RUNX3: variants seen among roughly 807,000 people sequenced by gnomAD.
RUNX3 encodes the protein runt-related transcription factor 3.
A neutral mutation model predicts 27.7 loss-of-function variants in RUNX3; 10 were observed. The observed-to-expected ratio is 0.36, with a 90% CI of 0.22 to 0.61. RUNX3 has a LOEUF of 0.61. Ranked by LOEUF, RUNX3 falls within the 20% of genes least tolerant of loss-of-function variation. RUNX3 has a pLI of 0.72. For missense variants in RUNX3, 469 were observed against 629.5 expected, an observed-to-expected ratio of 0.75 and a Z score of 2.73; for synonymous variants, 270 against 269.2, an observed-to-expected ratio of 1.00 and a Z score of -0.03.
intron 4 of RUNX3, among the ~76,000 whole-genome samples, chr1:24,905,604 C>T (rs1640648951): frequency 6.6e-6 from 1 of 152,216 alleles, no homozygotes; most frequent in African/African-American, 2.4e-5. Context: ...CTGTGCCTGC[C>T]GTGGGGCCAG....
chr1:24,953,325 C>T (rs1286761743), intron 2 of RUNX3, among the ~76,000 whole-genome samples: 5 of 128,930 alleles, frequency 3.9e-5, no homozygotes, highest in African/African-American at 8.8e-5. Flanking sequence ...GATTGCGCCA[C>T]TGCACGCCAG....
At chr1:24,959,694 C>G (rs955835862) in intron 2 of RUNX3, among the ~76,000 whole-genome samples, 1 of 152,200 alleles carries the variant, frequency 6.6e-6, no homozygotes, top group African/African-American at 2.4e-5. Context: ...GCAGCCTCCT[C>G]CCTGTCCGGT....
intron 1 of RUNX3, among the ~76,000 whole-genome samples, chr1:24,928,142 TAAC>T (rs1641135806): frequency 6.6e-6 from 1 of 152,150 alleles, no homozygotes; most frequent in Admixed American, 6.5e-5. Context: ...ACAACAATAA[TAAC>T]AACAGGGCTG....
At chr1:24,951,850 T>C (rs1050147893) in intron 2 of RUNX3, among the ~76,000 whole-genome samples, 3 of 152,162 alleles carry the variant, frequency 2.0e-5, no homozygotes, top group African/African-American at 2.4e-5. Flanking sequence ...TTTTGTCTTA[T>C]AGGGTTGTGA....
chr1:24,913,685 G>T (rs1239801979), intron 3 of RUNX3, among the ~76,000 whole-genome samples: 1 of 152,220 alleles, frequency 6.6e-6, no homozygotes, highest in African/African-American at 2.4e-5. Flanking sequence ...CCAGGGTCAC[G>T]CAGTGTGGGA....
At chr1:24,922,245 T>C (rs1395880290) in intron 2 of RUNX3, among the ~76,000 whole-genome samples, 1 of 150,540 alleles carries the variant, frequency 6.6e-6, no homozygotes, top group African/African-American at 2.4e-5. Context: ...GGTCTTGAAC[T>C]CCTGGGCTCA....
chr1:24,907,356 T>C lies in RUNX3; in HGVS notation c.606A>G (p.Glu202=). The change falls in exon 4 of 5, where the codon GAA becomes GAG. Residue 202 remains glutamate, a synonymous_variant. Transcript: ENST00000308873. ...TCGGTGTCACCCGCATGCGCAGCCG[T>C]TCCAGGTCCCCAAAGCGGTCAGGGA... is the stretch of plus-strand genomic sequence containing the variant. ...KPFPDRFGDL[E]RLRMRVTPST... is the part of the protein sequence containing the mutation. The C allele has an allele frequency of 6.2e-7, 1 of 1,613,870 alleles. No homozygotes were observed. The highest frequency in any genetic ancestry group is 1.7e-4 in the Middle Eastern group (1 of 6,018).
At chr1:24,940,130 A>G (rs1571338726) in intron 2 of RUNX3, among the ~76,000 whole-genome samples, 1 of 152,148 alleles carries the variant, frequency 6.6e-6, no homozygotes, top group African/African-American at 2.4e-5. Context: ...CAGGGACCAT[A>G]TGGATGCTGG....
intron 2 of RUNX3, among the ~76,000 whole-genome samples, chr1:24,938,786 TCCGGAGGA>T (rs1338701172): frequency 6.6e-6 from 1 of 151,980 alleles, no homozygotes; most frequent in Non-Finnish European, 1.5e-5. Context: ...TTCTGTGTCC[TCCGGAGGA>T]CACAGCCAGA....
chr1:24,924,200 C>T lies in RUNX3; in HGVS notation c.439+3374G>A, dbSNP rs149749007. Among the ~76,000 whole-genome samples, 384 of 152,220 alleles carry T rather than the reference C, an allele frequency of 2.5e-3. 2 individuals are homozygous for T. Among genetic ancestry groups the T allele is most frequent in the African/African-American group, 8.9e-3 (370 of 41,536 alleles). ...TGAGCAACACAGTGAACAACACCCC[C>T]ATCTCTACAACAAATAATTTTAAAA... On this transcript the variant is annotated intron_variant, in intron 2 of 4. Transcript: ENST00000308873.
At chr1:24,922,741 A>G (rs1641022633) in intron 2 of RUNX3, among the ~76,000 whole-genome samples, 1 of 142,794 alleles carries the variant, frequency 7.0e-6, no homozygotes, top group Non-Finnish European at 1.5e-5. Flanking sequence ...GTTCTGAGAA[A>G]GGTGTGCGGG....
At position 24,902,158 on chromosome 1, in the gene RUNX3, T is replaced by C; in HGVS notation, c.1212A>G (p.Pro404=). 1 of 1,571,152 alleles carries C rather than the reference T, an allele frequency of 6.4e-7. No individual in the cohort carries two copies. The highest frequency in any genetic ancestry group is 8.6e-7 in the Non-Finnish European group (1 of 1,159,138). The change falls in exon 5 of 5, where the codon CCA becomes CCG. Residue 404 remains proline, a synonymous_variant. Transcript: ENST00000308873. The surrounding 1 kb of genome is among the most constrained non-coding windows in gnomAD (Gnocchi z 9.2). ...HSNSPTALST[P]GRMDEAVWRP... ...GCCACACGGCCTCATCCATGCGGCC[T>C]GGCGTGCTCAGGGCCGTGGGTGAGT...
In RUNX3 at chr1:24,902,230, G is replaced by A. The variant is rs937052316; in HGVS notation, c.1140C>T (p.Ser380=). Residue 380 remains serine, a synonymous_variant, in exon 5 of 5, where the codon AGC becomes AGT. Transcript: ENST00000308873. This position sits in a 1 kb window ranked among gnomAD's most constrained non-coding sequence, Gnocchi z 9.2. Reference sequence around the variant, plus strand: ...CCACGCCATCACTCTGGCCGCCCAGGCTGGGGTTCATGAGGTTGCCGGCGG... The same window carrying A: ...CCACGCCATCACTCTGGCCGCCCAGACTGGGGTTCATGAGGTTGCCGGCGG... ...SVAAGNLMNP[S]LGGQSDGVEA... is the part of the protein sequence containing the mutation. 8.9e-6 allele frequency: 14 copies of A among 1,575,804 alleles called. No homozygotes were observed. The highest frequency in any genetic ancestry group is 4.0e-5 in the African/African-American group (3 of 74,606).
intron 3 of RUNX3, among the ~76,000 whole-genome samples, chr1:24,917,624 C>T (rs1306746074): frequency 1.3e-5 from 2 of 152,182 alleles, no homozygotes; most frequent in Non-Finnish European, 2.9e-5. Flanking sequence ...AGTGACGGAT[C>T]CCTTGCTAAC....
chr1:24,918,738 G>T (rs963512316), intron 3 of RUNX3, among the ~76,000 whole-genome samples: 4 of 152,116 alleles, frequency 2.6e-5, no homozygotes, highest in Admixed American at 6.5e-5. Context: ...TGCTCATAGG[G>T]TCTGGGTGCC....
At chr1:24,931,787 CCTACCCA>C (rs1641234821), upstream of RUNX3, among the ~76,000 whole-genome samples, 1 of 152,218 alleles carries the variant, frequency 6.6e-6, no homozygotes, top group Non-Finnish European at 1.5e-5. Flanking sequence ...AGAGCTGGCC[CCTACCCA>C]CCTCGGGACC....
In RUNX3 at chr1:24,901,335, A is replaced by AGAG. The variant is rs1276569252; in HGVS notation, c.*784_*786dup. ...CTATCCCCCCTCCCCCGCCCTGCCA[A>AGAG]GAGAACAGAGAGTGGATGCGTTGAG... On this transcript the variant is annotated 3_prime_UTR_variant, in exon 5 of 5. Transcript: ENST00000308873. 1 of 152,716 alleles carries AGAG rather than the reference A, an allele frequency of 6.5e-6. No homozygotes were observed. The highest frequency in any genetic ancestry group is 6.5e-5 in the Admixed American group (1 of 15,282). 9.5% of individuals were successfully genotyped at this position (152,716 alleles called of 1,614,324 possible).
intron 3 of RUNX3, among the ~76,000 whole-genome samples, chr1:24,914,572 TC>T (rs1640852954): frequency 6.6e-6 from 1 of 152,070 alleles, no homozygotes; most frequent in Non-Finnish European, 1.5e-5. Flanking sequence ...AGCGGTTCCC[TC>T]CCAGGGCTGC....
chr1:24,942,690 G>C (rs1374523299), intron 2 of RUNX3, among the ~76,000 whole-genome samples: 2 of 152,186 alleles, frequency 1.3e-5, no homozygotes, highest in Non-Finnish European at 2.9e-5. Context: ...AACTCTTACT[G>C]CCCTTTCTCT....
Sources: gnomAD v4.1 joint callset for allele counts (sites outside exome capture counted in the v4.1 genomes callset) on GRCh38, gnomAD v4.1.1 for gene constraint, Gnocchi (gnomAD v3.1) non-coding constraint, MANE v1.5 for transcripts, NCBI Gene and HGNC (gene_info 2026-07-23, HGNC 2026-07-21) for gene names.